XRCC3: variants seen among roughly 807,000 people sequenced by gnomAD.
XRCC3 encodes the protein X-ray repair cross complementing 3.
Under a neutral mutation model 29.2 loss-of-function variants are expected in XRCC3, and 34 were observed. The ratio of observed to expected loss-of-function variants is 1.16; its 90% confidence interval spans 0.88 to 1.55. The LOEUF (loss-of-function observed/expected upper bound fraction) is 1.55. XRCC3 is among the 40% of genes most tolerant of loss of function. The pLI is 0.00. For missense variants in XRCC3, 463 were observed against 467.6 expected, an observed-to-expected ratio of 0.99 and a Z score of 0.09; for synonymous variants, 223 against 211.3, an observed-to-expected ratio of 1.06 and a Z score of -0.48.
At chr14:103,710,797 T>G in intron 4 of XRCC3, 1 of 548,520 alleles carries the variant, frequency 1.8e-6, no homozygotes, top group Non-Finnish European at 3.3e-6. Context: ...TTAGACAATA[T>G]GCATGTATTA....
At chr14:103,710,881 CA>C in intron 4 of XRCC3, 151 bp downstream of exon 4, 3 of 704,678 alleles carry the variant, frequency 4.3e-6, no homozygotes, top group Non-Finnish European at 5.1e-6. Context: ...CACACACACA[CA>C]CCTGAAAATC....
chr14:103,700,612 G>A lies in XRCC3; in HGVS notation c.562-1036C>T, dbSNP rs768256194. 1.2e-5 allele frequency: 18 copies of A among 1,533,106 alleles called. No individual in the cohort carries two copies. In the Middle Eastern group the frequency reaches 5.7e-4, roughly 49 times the overall value. 95.0% of individuals were successfully genotyped at this position (1,533,106 alleles called of 1,614,324 possible). On this transcript the variant is annotated intron_variant, in intron 7 of 9. Coordinates refer to ENST00000555055, the MANE Select transcript of XRCC3 (RefSeq NM_005432.4). ...GGAGCTCTGAAGACGCCTGAGGGCC[G>A]CCTGCACGCCCTGAGTGAAACTCGT...
In XRCC3 at chr14:103,707,026, C is replaced by G. The variant is rs754599485; in HGVS notation, c.383G>C (p.Arg128Pro). The change falls in exon 6 of 10, where the codon CGG becomes CCG. Residue 128 changes from arginine to proline, a missense_variant. Transcript: ENST00000555055. ...ACCAGCCTCCAGGCCTCCGTGCTGC[C>G]GCGGGAACTGCACAGCCAGGCAGAG... ...LQLCLAVQFPRQHGGLEAGAV... is the reference protein window; with the variant it reads ...LQLCLAVQFPPQHGGLEAGAV... 1.9e-6 allele frequency: 3 copies of G among 1,563,668 alleles called. No individual in the cohort carries two copies. The highest frequency in any genetic ancestry group is 2.6e-6 in the Non-Finnish European group (3 of 1,158,474).
chr14:103,710,853 A>AACACACAC (rs71126055), intron 4 of XRCC3, 180 bp downstream of exon 4: 14,608 of 561,618 alleles, frequency 0.026, 63 homozygotes, highest in Middle Eastern at 0.041. Context: ...TGTAGTTAAG[A>AACACACAC]ACACACACAC....
At chr14:103,703,893 C>T (rs756997409) in intron 6 of XRCC3, 4 of 166,046 alleles carry the variant, frequency 2.4e-5, no homozygotes, top group Non-Finnish European at 4.0e-5. Flanking sequence ...TGTGCACTGC[C>T]GCTAGGAATG....
chr14:103,698,734 T>G lies in XRCC3; in HGVS notation c.*64A>C. 1 of 1,470,764 alleles carries G rather than the reference T, an allele frequency of 6.8e-7. No individual in the cohort carries two copies. The highest frequency in any genetic ancestry group is 2.0e-5 in the Admixed American group (1 of 51,026). 91.1% of individuals were successfully genotyped at this position (1,470,764 alleles called of 1,614,324 possible). A position where few individuals can be genotyped will look rare whatever the true frequency, so the allele number is the denominator to read the frequency against. ...GTGCCACGGCCCAGGCAGACGCGTT[T>G]TAAAGGCCCGAGCCCCGTGTGTCGG... On this transcript the variant is annotated 3_prime_UTR_variant, in exon 10 of 10. Coordinates refer to ENST00000555055, the MANE Select transcript of XRCC3 (RefSeq NM_005432.4).
intron 7 of XRCC3, chr14:103,700,627 G>C: frequency 1.3e-6 from 2 of 1,594,156 alleles, no homozygotes; most frequent in Non-Finnish European, 1.7e-6. Context: ...CACGCCCTGA[G>C]TGAAACTCGT....
rs1373360424 is a variant in XRCC3 at position 103,711,467 on chromosome 14, T to C, written c.-160A>G. On this transcript the variant is annotated splice_region_variant and 5_prime_UTR_variant, in exon 3 of 10. Coordinates refer to ENST00000555055, the MANE Select transcript of XRCC3 (RefSeq NM_005432.4). Reference sequence around the variant, plus strand: ...AGTTGAGTGCCCTGCCCGACTCACCTCTCTGGGGCTTGGGGATGACCCGCG... The same window carrying C: ...AGTTGAGTGCCCTGCCCGACTCACCCCTCTGGGGCTTGGGGATGACCCGCG... 1 of 488,970 alleles carries C rather than the reference T, an allele frequency of 2.0e-6. No individual in the cohort carries two copies. The highest frequency in any genetic ancestry group is 1.9e-5 in the African/African-American group (1 of 51,538). The allele number at this position is 488,970 out of a possible 1,614,324, so 30.3% of individuals were successfully genotyped here. A position where few individuals can be genotyped will look rare whatever the true frequency, so the allele number is the denominator to read the frequency against.
intron 4 of XRCC3, chr14:103,709,441 C>A (rs1010186617): frequency 6.5e-6 from 1 of 154,802 alleles, no homozygotes; most frequent in African/African-American, 2.4e-5. Flanking sequence ...CGGGGACTTA[C>A]ACCCACCACA....
chr14:103,715,107 G>T (rs2083766865), intron 1 of XRCC3, among the ~76,000 whole-genome samples: 1 of 152,130 alleles, frequency 6.6e-6, no homozygotes, highest in African/African-American at 2.4e-5. Context: ...GCGCAGCCGC[G>T]GGCCCACCTC....
intron 6 of XRCC3, chr14:103,706,748 G>T (rs370193790): frequency 9.0e-6 from 5 of 552,900 alleles, no homozygotes; most frequent in Admixed American, 3.0e-5. Context: ...ACCCCTGGGG[G>T]CCTAGCTCTG....
intron 1 of XRCC3, among the ~76,000 whole-genome samples, chr14:103,714,844 C>T (rs1041822219): frequency 1.3e-5 from 2 of 152,236 alleles, no homozygotes; most frequent in East Asian, 1.9e-4. Context: ...TGCCACCACA[C>T]CCAGCTAATT....
At position 103,707,127 on chromosome 14, in the gene XRCC3, G is replaced by C; in HGVS notation, c.282C>G (p.Arg94=). The C allele has an allele frequency of 6.5e-7, 1 of 1,549,744 alleles. No homozygotes were observed. The highest frequency in any genetic ancestry group is 2.4e-5 in the East Asian group (1 of 40,940). ...LGCPVLDALL[R]GGLPLDGITE... is the part of the protein sequence containing the mutation. ...TGATGCCGTCCAGGGGCAGGCCACC[G>C]CGGAGCAGCGCGTCCAGCACCGGGC... The change falls in exon 6 of 10, where the codon CGC becomes CGG. Residue 94 remains arginine (R), a synonymous_variant. Transcript: ENST00000555055.
intron 7 of XRCC3, chr14:103,701,962 G>A (rs747780300): frequency 5.9e-5 from 9 of 152,130 alleles, no homozygotes; most frequent in South Asian, 2.1e-4. Flanking sequence ...CATGGCAGCC[G>A]CTCCCCCTGC....
At chr14:103,707,318 G>T in intron 5 of XRCC3, 103 bp from the exon 6 acceptor site, 1 of 1,418,708 alleles carries the variant, frequency 7.0e-7, no homozygotes. Context: ...GTGCAGTGTG[G>T]CTGGAGCACA....
chr14:103,699,631 A>T, intron 7 of XRCC3, 55 bp from the exon 8 acceptor site: 1 of 1,580,310 alleles, frequency 6.3e-7, no homozygotes, highest in Non-Finnish European at 8.7e-7. Context: ...GCCCCAGGTG[A>T]CCAGACCCCG....
At chr14:103,715,308 G>C (rs1339522713) in intron 1 of XRCC3, 116 bp downstream of exon 1, 1 of 152,172 alleles carries the variant, frequency 6.6e-6, no homozygotes, top group African/African-American at 2.4e-5. Flanking sequence ...GAGACCCGCG[G>C]CCGCCCCCGC....
chr14:103,711,782 G>C (rs894428384), intron 2 of XRCC3: 1 of 447,818 alleles, frequency 2.2e-6, no homozygotes, highest in African/African-American at 2.0e-5. Context: ...TCTCCCCTCC[G>C]GCCTCAGCAG....
At chr14:103,707,314 T>G in intron 5 of XRCC3, 99 bp from the exon 6 acceptor site, 3 of 1,439,922 alleles carry the variant, frequency 2.1e-6, no homozygotes, top group Non-Finnish European at 2.8e-6. Context: ...CCAGGTGCAG[T>G]GTGGCTGGAG....
Sources: gnomAD v4.1 joint callset for allele counts (sites outside exome capture counted in the v4.1 genomes callset) on GRCh38, gnomAD v4.1.1 for gene constraint, MANE v1.5 for transcripts, NCBI Gene and HGNC (gene_info 2026-07-23, HGNC 2026-07-21) for gene names.